The following BTBD3 variants were observed in gnomAD, a reference collection of about 807,000 sequenced individuals.
BTBD3 encodes BTB/POZ domain-containing protein 3.
BTBD3 carries 14 observed loss-of-function variants against 41.6 expected under a neutral mutation model. The ratio of observed to expected loss-of-function variants is 0.34; its 90% confidence interval spans 0.22 to 0.53. The LOEUF (loss-of-function observed/expected upper bound fraction) is 0.53. Among genes scored for constraint, BTBD3 ranks in the 20% least tolerant of loss-of-function variants. The probability of loss-of-function intolerance (pLI) is 0.95; values close to 1 mark genes in which losing one functional copy is unlikely to be tolerated. For synonymous variants in BTBD3, 249 were observed against 233.7 expected, an observed-to-expected ratio of 1.07 and a Z score of -0.60; for missense variants, 426 against 654.7, an observed-to-expected ratio of 0.65 and a Z score of 3.81.
In BTBD3 at chr20:11,900,747, G is replaced by A. The variant is rs370311003; in HGVS notation, c.-126+9793G>A. On this transcript the variant is annotated intron_variant, in intron 1 of 4. Coordinates refer to the BTBD3 transcript ENST00000254977. ...TTTTGAGACAGAGTGTGGCTCTGTC[G>A]CCCAGGCTGGAGTGCAGCGGCGACA... 7.1e-5 allele frequency among the ~76,000 whole-genome samples: 10 copies of A among 141,040 alleles called. No homozygotes were observed. In the East Asian group the frequency reaches 8.3e-4, roughly 12 times the overall value. 92.5% of individuals were successfully genotyped at this position (141,040 alleles called of 152,430 possible).
In BTBD3 at chr20:11,918,008, T is replaced by A; in HGVS notation, c.-268T>A. 2.5e-6 allele frequency: 3 copies of A among 1,186,154 alleles called. No homozygotes were observed. Among genetic ancestry groups the A allele is most frequent in the Non-Finnish European group, 3.1e-6 (3 of 958,456 alleles). The allele number at this position is 1,186,154 out of a possible 1,614,324, so 73.5% of individuals were successfully genotyped here. ...CTGTCATCTTTGCAGTGTAGCATTT[T>A]CAGGTGATCTAGGAAACAGTTATTT... On this transcript the variant is annotated 5_prime_UTR_variant, in exon 1 of 4. Transcript: ENST00000378226.
chr20:11,912,108 C>T (rs2056893083), intron 1 of BTBD3, among the ~76,000 whole-genome samples: 1 of 152,154 alleles, frequency 6.6e-6, no homozygotes, highest in Non-Finnish European at 1.5e-5. Context: ...TGAAACTGAC[C>T]ATGAACCTTA....
intron 1 of BTBD3, among the ~76,000 whole-genome samples, chr20:11,902,648 A>G (rs1037347180): frequency 2.6e-5 from 4 of 152,234 alleles, no homozygotes; most frequent in Non-Finnish European, 4.4e-5. Flanking sequence ...CACCACAGGA[A>G]TAACAGGAGA....
At chr20:11,908,234 C>T (rs1423473556) in intron 1 of BTBD3, among the ~76,000 whole-genome samples, 1 of 150,252 alleles carries the variant, frequency 6.7e-6, no homozygotes, top group Admixed American at 6.7e-5. Context: ...GATTGTCCTT[C>T]CTTGGTCTGG....
chr20:11,900,659 G>C (rs1422243310), intron 1 of BTBD3, among the ~76,000 whole-genome samples: 2 of 148,696 alleles, frequency 1.3e-5, no homozygotes, highest in Non-Finnish European at 3.0e-5. Flanking sequence ...TCATACCTTT[G>C]TTCATGGAGA....
At chr20:11,905,305 G>A (rs2122218757) in intron 1 of BTBD3, among the ~76,000 whole-genome samples, 1 of 152,212 alleles carries the variant, frequency 6.6e-6, no homozygotes, top group South Asian at 2.1e-4. Flanking sequence ...AAAAGCTGCT[G>A]GTTTGACTTG....
At chr20:11,900,618 A>G (rs2056818052) in intron 1 of BTBD3, among the ~76,000 whole-genome samples, 1 of 152,036 alleles carries the variant, frequency 6.6e-6, no homozygotes, top group South Asian at 2.1e-4. Context: ...GTGGATAGAG[A>G]AGGACTTCTA....
rs1265605334 is a variant in BTBD3 at position 11,923,978 on chromosome 20, A to G, written c.*312A>G. On this transcript the variant is annotated 3_prime_UTR_variant, in exon 4 of 4. Coordinates refer to ENST00000378226, the MANE Select transcript of BTBD3 (RefSeq NM_014962.4). This position sits in a 1 kb window ranked among gnomAD's most constrained non-coding sequence, Gnocchi z 5.3. ...CACCCTCTCAGTTTTGTCCCTCTGA[A>G]GATAATTTTGGATCACCTTGAATTT... is the stretch of plus-strand genomic sequence containing the variant. 1 of 251,276 alleles carries G rather than the reference A, an allele frequency of 4.0e-6. No homozygotes were observed. Among genetic ancestry groups the G allele is most frequent in the East Asian group, 8.3e-5 (1 of 12,026 alleles). The allele number at this position is 251,276 out of a possible 1,614,324, so 15.6% of individuals were successfully genotyped here. A position where few individuals can be genotyped will look rare whatever the true frequency, so the allele number is the denominator to read the frequency against.
chr20:11,891,177 AGGGG>A, intron 1 of BTBD3: 1 of 142,510 alleles, frequency 7.0e-6, no homozygotes. Context: ...TGGCTTTCCG[AGGGG>A]GGGGGGGTCC....
intron 1 of BTBD3, among the ~76,000 whole-genome samples, chr20:11,902,187 A>G (rs985131485): frequency 6.6e-6 from 1 of 152,218 alleles, no homozygotes; most frequent in African/African-American, 2.4e-5. Context: ...TGTCGTATAT[A>G]TTATATACTA....
chr20:11,891,072 A>G, intron 1 of BTBD3: 2 of 722,782 alleles, frequency 2.8e-6, no homozygotes, highest in Non-Finnish European at 3.4e-6. Flanking sequence ...AAGCGAGGAG[A>G]GGCCGGGCTG....
At chr20:11,904,858 A>G (rs929720174) in intron 1 of BTBD3, among the ~76,000 whole-genome samples, 2 of 152,174 alleles carry the variant, frequency 1.3e-5, no homozygotes, top group African/African-American at 4.8e-5. Flanking sequence ...AACCATATCG[A>G]TGAACGTTTT....
At chr20:11,891,444 C>G (rs758891321) in intron 1 of BTBD3, 1 of 151,902 alleles carries the variant, frequency 6.6e-6, no homozygotes, top group Admixed American at 6.5e-5. Flanking sequence ...CAAACTTCCC[C>G]TAAGTAACTT....
rs2057003862 is a variant in BTBD3, at chr20:11,924,625, G to C, written c.*959G>C. 2 of 152,582 alleles carry C rather than the reference G, an allele frequency of 1.3e-5. No individual in the cohort carries two copies. The highest frequency in any genetic ancestry group is 2.4e-5 in the African/African-American group (1 of 41,444). The allele number at this position is 152,582 out of a possible 1,614,324, so 9.5% of individuals were successfully genotyped here. Reference sequence around the variant, plus strand: ...TCTATTTTCTTTTTCCCCATTAAAAGAGGACCAAACAATTCTTTATACAAA... The same window carrying C: ...TCTATTTTCTTTTTCCCCATTAAAACAGGACCAAACAATTCTTTATACAAA... On this transcript the variant is annotated 3_prime_UTR_variant, in exon 4 of 4. Coordinates refer to ENST00000378226, the MANE Select transcript of BTBD3 (RefSeq NM_014962.4).
chr20:11,923,929 T>C lies in BTBD3; in HGVS notation c.*263T>C, dbSNP rs561963900. On this transcript the variant is annotated 3_prime_UTR_variant, in exon 4 of 4. Transcript: ENST00000378226. This position sits in a 1 kb window ranked among gnomAD's most constrained non-coding sequence, Gnocchi z 5.3. ...GTTGCATCTATGAACCTGGGGAGATTATGTGCTTTCCCAAGCGTTCCACCA... is the reference window on the plus strand; with the variant it reads ...GTTGCATCTATGAACCTGGGGAGATCATGTGCTTTCCCAAGCGTTCCACCA... The C allele has an allele frequency of 5.5e-6, 2 of 363,564 alleles. No homozygotes were observed. The highest frequency in any genetic ancestry group is 1.4e-4 in the South Asian group (2 of 14,046). The allele number at this position is 363,564 out of a possible 1,614,324, so 22.5% of individuals were successfully genotyped here. A position where few individuals can be genotyped will look rare whatever the true frequency, so the allele number is the denominator to read the frequency against.
intron 1 of BTBD3, among the ~76,000 whole-genome samples, chr20:11,906,455 G>A (rs957288859): frequency 1.3e-5 from 2 of 150,762 alleles, no homozygotes; most frequent in African/African-American, 4.9e-5. Flanking sequence ...GTAGAGATGG[G>A]GTTTCACCAT....
At chr20:11,899,996 C>CA (rs1380900764) in intron 1 of BTBD3, among the ~76,000 whole-genome samples, 1 of 152,178 alleles carries the variant, frequency 6.6e-6, no homozygotes, top group Non-Finnish European at 1.5e-5. Flanking sequence ...CAAAATAATT[C>CA]AAAATATACC....
chr20:11,914,876 G>A (rs532576525), upstream of BTBD3, among the ~76,000 whole-genome samples: 40 of 152,166 alleles, frequency 2.6e-4, no homozygotes, highest in Non-Finnish European at 4.3e-4. Context: ...TTTATGTTTA[G>A]TACTAAGTCA....
chr20:11,926,417 T>G lies in BTBD3; in HGVS notation c.*2751T>G, dbSNP rs2057019968. 3 of 152,670 alleles carry G rather than the reference T, an allele frequency of 2.0e-5. No homozygotes were observed. The South Asian group carries it at 6.2e-4, about 32-fold the overall frequency. 9.5% of individuals were successfully genotyped at this position (152,670 alleles called of 1,614,324 possible). ...TAATTCAAGACACTGTAGCCACTTG[T>G]GCATCAGTGTGCTTGAATTTAGTAG... is the stretch of plus-strand genomic sequence containing the variant. On this transcript the variant is annotated 3_prime_UTR_variant, in exon 4 of 4. Transcript: ENST00000378226.
Sources: allele counts gnomAD v4.1 joint callset (sites outside exome capture counted in the v4.1 genomes callset), GRCh38; gene constraint gnomAD v4.1.1; non-coding constraint Gnocchi (gnomAD v3.1); transcripts MANE v1.5; gene names NCBI Gene and HGNC (gene_info 2026-07-23, HGNC 2026-07-21).